Variants in CANT1 observed in about 807,000 individuals in gnomAD.
CANT1 encodes calcium activated nucleotidase 1.
CANT1 carries 26 observed loss-of-function variants against 30.0 expected under a neutral mutation model. The ratio of observed to expected loss-of-function variants is 0.87; its 90% CI spans 0.64 to 1.20. The LOEUF (loss-of-function observed/expected upper bound fraction) is 1.20. Ranked by LOEUF, CANT1 falls within the 50% of genes most tolerant of loss-of-function variation. The probability of loss-of-function intolerance (pLI) is 0.00; values close to 1 mark genes in which losing one functional copy is unlikely to be tolerated. For synonymous variants in CANT1, 246 were observed against 251.8 expected (o/e 0.98, Z 0.22); for missense variants, 518 against 563.0 (o/e 0.92, Z 0.81).
In CANT1 at chr17:78,991,762, T is replaced by C. The variant is rs2070849617; in HGVS notation, c.*1788A>G. ...TTGTTTACAAAACAGATGGATCCCATAGGGAAGGAACACAATCATTATGCT... is the reference window on the plus strand; with the variant it reads ...TTGTTTACAAAACAGATGGATCCCACAGGGAAGGAACACAATCATTATGCT... On this transcript the variant is annotated 3_prime_UTR_variant, in exon 5 of 5. Transcript: ENST00000392446. 4.6e-6 allele frequency: 1 copy of C among 216,152 alleles called. No homozygotes were observed. The highest frequency in any genetic ancestry group is 2.3e-5 in the African/African-American group (1 of 44,330). The allele number at this position is 216,152 out of a possible 1,614,324, so 13.4% of individuals were successfully genotyped here.
Position 78,996,483 on chromosome 17 carries a change from G to T in CANT1, c.631+509C>A, listed in dbSNP as rs568488966. Among the ~76,000 whole-genome samples, 1 of 152,156 alleles carries T rather than the reference G, an allele frequency of 6.6e-6. No homozygotes were observed. The highest frequency in any genetic ancestry group is 1.5e-5 in the Non-Finnish European group (1 of 68,024). On this transcript the variant is annotated intron_variant, in intron 3 of 4. Transcript: ENST00000392446. The surrounding 1 kb of genome is among the most constrained non-coding windows in gnomAD (Gnocchi z 5.1). ...CTGGCATCAGGCTCCACTCCAGGGGGGTTGGCACAGCTCACACATGCCCTC... is the reference window on the plus strand; with the variant it reads ...CTGGCATCAGGCTCCACTCCAGGGGTGTTGGCACAGCTCACACATGCCCTC...
rs546012167 is a variant in CANT1, at chr17:78,996,117, G to C, written c.631+875C>G. On this transcript the variant is annotated intron_variant, in intron 3 of 4. Coordinates refer to ENST00000392446, the MANE Select transcript of CANT1 (RefSeq NM_001159773.2). The surrounding 1 kb of genome is among the most constrained non-coding windows in gnomAD (Gnocchi z 5.1). ...GAAGTAGGCGACCAACGCCTCAGTT[G>C]ATACCTCAGGTGAGGTCCGTCCCCT... Among the ~76,000 whole-genome samples the C allele has an allele frequency of 1.3e-5, 2 of 152,316 alleles. No individual in the cohort carries two copies. The highest frequency in any genetic ancestry group is 4.1e-4 in the South Asian group (2 of 4,830).
Position 78,993,211 on chromosome 17 carries a change from A to G in CANT1, c.*339T>C. The G allele has an allele frequency of 2.4e-6, 1 of 420,670 alleles. No individual in the cohort carries two copies. The highest frequency in any genetic ancestry group is 4.4e-6 in the Non-Finnish European group (1 of 225,874). The allele number at this position is 420,670 out of a possible 1,614,324, so 26.1% of individuals were successfully genotyped here. ...TGAGGCATAGGGCCTGACATATGGT[A>G]GGAGCTCTAGGGATATTCACTGAAC... On this transcript the variant is annotated 3_prime_UTR_variant, in exon 5 of 5. Transcript: ENST00000392446. This position sits in a 1 kb window ranked among gnomAD's most constrained non-coding sequence, Gnocchi z 4.5.
At position 78,995,263 on chromosome 17, in the gene CANT1, G is replaced by A. The variant is rs143655872; in HGVS notation, c.632-42C>T. On this transcript the variant is annotated intron_variant, in intron 3 of 4. Transcript: ENST00000392446. This position sits in a 1 kb window ranked among gnomAD's most constrained non-coding sequence, Gnocchi z 5.7. ...TCCTTAGGCCCCGCACCCAGCTCCC[G>A]CCGCACCCCTGCACCTGGCTCCCAC... 9.0e-4 allele frequency: 1,433 copies of A among 1,590,580 alleles called. 11 individuals carry two copies. The African/African-American group carries it at 0.017, about 18-fold the overall frequency.
intron 1 of CANT1, among the ~76,000 whole-genome samples, chr17:78,999,853 A>G (rs2145844178): frequency 6.6e-6 from 1 of 151,996 alleles, no homozygotes; most frequent in Admixed American, 6.5e-5. Flanking sequence ...CAGTTTCTCC[A>G]TGTTGGTCAG....
At chr17:78,994,932 G>A in intron 4 of CANT1, 86 bp downstream of exon 4, 1 of 1,414,660 alleles carries the variant, frequency 7.1e-7, no homozygotes, top group Non-Finnish European at 9.6e-7. Context: ...ATAAAAAACG[G>A]TTTTGGAGGC....
Position 78,993,580 on chromosome 17 carries a change from G to A in CANT1, c.1176C>T (p.Ser392=), listed in dbSNP as rs147501831. 4.8e-5 allele frequency: 78 copies of A among 1,614,222 alleles called. No individual in the cohort carries two copies. In the African/African-American group the frequency reaches 8.7e-4, roughly 18 times the overall value. Residue 392 remains serine, a synonymous_variant, in exon 5 of 5, where the codon AGC becomes AGT. Transcript: ENST00000392446. This position sits in a 1 kb window ranked among gnomAD's most constrained non-coding sequence, Gnocchi z 4.5. ...TGAACTCGATGCCTTCGTATTTCAC[G>A]CTTCCGATCTTGGTCTCCGGCAACA... is the stretch of plus-strand genomic sequence containing the variant. The part of the protein sequence containing the change: ...RFLLPETKIG[S]VKYEGIEFI
chr17:79,000,805 G>A (rs981244873), intron 1 of CANT1, among the ~76,000 whole-genome samples: 5 of 152,172 alleles, frequency 3.3e-5, no homozygotes, highest in Admixed American at 2.0e-4. Context: ...TTGCCCACTC[G>A]CCCTCCCTCC....
chr17:79,004,156 T>G (rs192073222), intron 1 of CANT1, among the ~76,000 whole-genome samples: 1 of 646 alleles, frequency 1.5e-3, no homozygotes, highest in Non-Finnish European at 3.3e-3. Flanking sequence ...TAGGGAGGGG[T>G]GTTAGGGAGA....
rs962033476 is a variant in CANT1 at position 79,002,627 on chromosome 17, C to T, written c.-146-4664G>A. 6.6e-6 allele frequency among the ~76,000 whole-genome samples: 1 copy of T among 152,212 alleles called. No homozygotes were observed. The highest frequency in any genetic ancestry group is 1.9e-4 in the East Asian group (1 of 5,192). ...CCTGGCATGCTGAGTCTGGCTGCAC[C>T]GTTGAGTGGTCGCAACAGACTGTGG... On this transcript the variant is annotated intron_variant, in intron 1 of 4. Coordinates refer to ENST00000392446, the MANE Select transcript of CANT1 (RefSeq NM_001159773.2). This position sits in a 1 kb window ranked among gnomAD's most constrained non-coding sequence, Gnocchi z 4.0.
At chr17:79,009,209 C>T (rs1030576248) in intron 1 of CANT1, among the ~76,000 whole-genome samples, 9 of 143,830 alleles carry the variant, frequency 6.3e-5, no homozygotes, top group Non-Finnish European at 7.4e-5. Flanking sequence ...GGGAGGTGCC[C>T]CACAGTAATC....
rs2071085962 is a variant in CANT1 at position 78,997,569 on chromosome 17, G to A, written c.54C>T (p.Leu18=). 2 of 1,564,624 alleles carry A rather than the reference G, an allele frequency of 1.3e-6. No homozygotes were observed. The highest frequency in any genetic ancestry group is 2.3e-5 in the East Asian group (1 of 44,214). Residue 18 remains leucine (L), a synonymous_variant, in exon 3 of 5, where the codon CTC becomes CTT. Transcript: ENST00000392446. The surrounding 1 kb of genome is among the most constrained non-coding windows in gnomAD (Gnocchi z 7.5). Reference sequence around the variant, plus strand: ...CAGGAAGGCCCCCCACACTGATCCGGAGGGAGTGCATAGACTCATTCCATT... The same window carrying A: ...CAGGAAGGCCCCCCACACTGATCCGAAGGGAGTGCATAGACTCATTCCATT... ...HPEWNESMHS[L]RISVGGLPVL...
chr17:78,999,873 G>C (rs2145844195), intron 1 of CANT1, among the ~76,000 whole-genome samples: 1 of 152,078 alleles, frequency 6.6e-6, no homozygotes, highest in East Asian at 1.9e-4. Flanking sequence ...GGCTGGTCTT[G>C]AACTCCTGAC....
Position 79,002,738 on chromosome 17 carries a change from T to C in CANT1, c.-146-4775A>G, listed in dbSNP as rs748652910. On this transcript the variant is annotated intron_variant, in intron 1 of 4. Coordinates refer to ENST00000392446, the MANE Select transcript of CANT1 (RefSeq NM_001159773.2). This position sits in a 1 kb window ranked among gnomAD's most constrained non-coding sequence, Gnocchi z 4.0. ...ACCCTCCACAAAACTGACAGAATAA[T>C]TTTTCCAAAAAGCAAGTCTGGATTC... 2.6e-5 allele frequency among the ~76,000 whole-genome samples: 4 copies of C among 152,180 alleles called. No homozygotes were observed. The highest frequency in any genetic ancestry group is 2.9e-5 in the Non-Finnish European group (2 of 68,022).
At chr17:79,009,299 G>A (rs1430886968) in intron 1 of CANT1, among the ~76,000 whole-genome samples, 1 of 152,000 alleles carries the variant, frequency 6.6e-6, no homozygotes, top group Non-Finnish European at 1.5e-5. Flanking sequence ...ATAATCAGAG[G>A]GGGGAGGTGC....
rs117828491 is a variant in CANT1 at position 78,995,875 on chromosome 17, G to A, written c.632-654C>T. On this transcript the variant is annotated intron_variant, in intron 3 of 4. Coordinates refer to ENST00000392446, the MANE Select transcript of CANT1 (RefSeq NM_001159773.2). This position sits in a 1 kb window ranked among gnomAD's most constrained non-coding sequence, Gnocchi z 5.7. ...TGGAGCTGTGCCCTCTGAACTGCCC[G>A]AGACTGTAGTAGCTTCTCTGCAGGG... Among the ~76,000 whole-genome samples the A allele has an allele frequency of 3.0e-3, 456 of 152,132 alleles. 4 individuals carry two copies. The highest frequency in any genetic ancestry group is 5.2e-3 in the Non-Finnish European group (354 of 67,984).
intron 1 of CANT1, among the ~76,000 whole-genome samples, chr17:79,005,792 C>G (rs983415641): frequency 6.6e-6 from 1 of 152,146 alleles, no homozygotes; most frequent in African/African-American, 2.4e-5. Flanking sequence ...CTCTTCAGCA[C>G]AGCCAAGGCA....
chr17:78,992,914 G>A lies in CANT1; in HGVS notation c.*636C>T, dbSNP rs1300154437. The A allele has an allele frequency of 5.4e-6, 2 of 371,382 alleles. No individual in the cohort carries two copies. Among genetic ancestry groups the A allele is most frequent in the African/African-American group, 2.0e-5 (1 of 49,498 alleles). The allele number at this position is 371,382 out of a possible 1,614,324, so 23.0% of individuals were successfully genotyped here. On this transcript the variant is annotated 3_prime_UTR_variant, in exon 5 of 5. Coordinates refer to ENST00000392446, the MANE Select transcript of CANT1 (RefSeq NM_001159773.2). ...CACAGAATTTTCTTGAAGGGAGAAA[G>A]CGGTCACTGGCCATATGATGCGGAG...
At chr17:78,999,054 C>A (rs959652689) in intron 1 of CANT1, among the ~76,000 whole-genome samples, 1 of 152,162 alleles carries the variant, frequency 6.6e-6, no homozygotes, top group African/African-American at 2.4e-5. Flanking sequence ...CTTCTCCACG[C>A]CGCAGCCTGC....
Sources: allele counts gnomAD v4.1 joint callset (sites outside exome capture counted in the v4.1 genomes callset), GRCh38; gene constraint gnomAD v4.1.1; non-coding constraint Gnocchi (gnomAD v3.1); transcripts MANE v1.5; gene names NCBI Gene and HGNC (gene_info 2026-07-23, HGNC 2026-07-21).